The following DAB1 variants were observed in gnomAD, a reference collection of about 807,000 sequenced individuals.
DAB1 encodes the protein DAB adaptor protein 1.
A neutral mutation model predicts 64.6 loss-of-function variants in DAB1; 15 were observed. The ratio of observed to expected loss-of-function variants is 0.23; its 90% CI spans 0.16 to 0.36. DAB1 has a LOEUF of 0.36. Ranked by LOEUF, DAB1 falls within the 10% of genes least tolerant of loss-of-function variation. The probability of loss-of-function intolerance (pLI) is 1.00; values close to 1 mark genes in which losing one functional copy is unlikely to be tolerated. For missense variants in DAB1, 596 were observed against 706.7 expected (o/e 0.84, Z 1.78); for synonymous variants, 235 against 251.9 (o/e 0.93, Z 0.64).
At chr1:58,042,497 T>C (rs554949118) in intron 5 of DAB1, among the ~76,000 whole-genome samples, 1 of 152,256 alleles carries the variant, frequency 6.6e-6, no homozygotes, top group South Asian at 2.1e-4. Context: ...TTCAAGCAGG[T>C]TGTACACACC....
intron 4 of DAB1, among the ~76,000 whole-genome samples, chr1:58,257,214 G>C (rs1216432062): frequency 2.0e-5 from 3 of 152,302 alleles, no homozygotes; most frequent in Admixed American, 1.3e-4. Context: ...CTCCAACCAA[G>C]CTGCAAACTC....
At chr1:57,782,449 C>A (rs1650144817) in intron 6 of DAB1, among the ~76,000 whole-genome samples, 1 of 152,154 alleles carries the variant, frequency 6.6e-6, no homozygotes, top group South Asian at 2.1e-4. Flanking sequence ...ATGCTACCCA[C>A]GATGTCTCGA....
chr1:57,277,263 C>A (rs1289583919), intron 2 of DAB1, among the ~76,000 whole-genome samples: 1 of 152,174 alleles, frequency 6.6e-6, no homozygotes, highest in Non-Finnish European at 1.5e-5. Context: ...CTGCTAGTTT[C>A]TAGCTGTGGG....
chr1:57,914,788 A>T (rs1644701250), intron 5 of DAB1, among the ~76,000 whole-genome samples: 1 of 152,204 alleles, frequency 6.6e-6, no homozygotes, highest in Non-Finnish European at 1.5e-5. Flanking sequence ...GATCATATAA[A>T]CATTATATTG....
intron 6 of DAB1, among the ~76,000 whole-genome samples, chr1:57,697,662 C>T (rs562390177): frequency 6.6e-6 from 1 of 152,020 alleles, no homozygotes; most frequent in African/African-American, 2.4e-5. Flanking sequence ...TTATGAAATG[C>T]CTTCAGTTTT....
chr1:58,454,368 C>A (rs145974954), intron 3 of DAB1, among the ~76,000 whole-genome samples: 1 of 152,156 alleles, frequency 6.6e-6, no homozygotes, highest in African/African-American at 2.4e-5. Flanking sequence ...CATCTTCAGA[C>A]CCATTCAGGT....
At chr1:57,066,818 T>C (rs1382648198) in intron 8 of DAB1, among the ~76,000 whole-genome samples, 1 of 152,186 alleles carries the variant, frequency 6.6e-6, no homozygotes, top group African/African-American at 2.4e-5. Flanking sequence ...CCCCATTTCA[T>C]AGCCCAGGAA....
intron 14 of DAB1, 34 bp downstream of exon 14, chr1:57,010,645 TA>T: frequency 1.7e-6 from 2 of 1,177,952 alleles, no homozygotes; most frequent in Non-Finnish European, 1.2e-6. Flanking sequence ...GCAGATAGCT[TA>T]AGGGTAAAGG....
intron 5 of DAB1, among the ~76,000 whole-genome samples, chr1:58,001,619 C>T (rs1646508034): frequency 6.6e-6 from 1 of 152,068 alleles, no homozygotes; most frequent in Non-Finnish European, 1.5e-5. Context: ...AGGAAGTAAG[C>T]TTTAGGAAAG....
intron 3 of DAB1, among the ~76,000 whole-genome samples, chr1:58,440,757 A>G (rs907708088): frequency 6.6e-6 from 1 of 152,232 alleles, no homozygotes; most frequent in African/African-American, 2.4e-5. Flanking sequence ...AACTATTATT[A>G]TCATAGTTTT....
chr1:57,525,792 A>C (rs1644585331), intron 7 of DAB1, among the ~76,000 whole-genome samples: 1 of 152,184 alleles, frequency 6.6e-6, no homozygotes. Flanking sequence ...CAGTTAAGAG[A>C]GTAAAAATTT....
chr1:57,424,585 C>T (rs958766338), upstream of DAB1, among the ~76,000 whole-genome samples: 31 of 152,328 alleles, frequency 2.0e-4, no homozygotes, highest in African/African-American at 6.7e-4. Context: ...CTAAGATCTA[C>T]CCTTTTATCC....
chr1:57,786,015 C>A (rs1016068421), intron 6 of DAB1, among the ~76,000 whole-genome samples: 3 of 152,180 alleles, frequency 2.0e-5, no homozygotes, highest in African/African-American at 7.2e-5. Flanking sequence ...TCAGCAATTA[C>A]TACCCTGATC....
intron 7 of DAB1, among the ~76,000 whole-genome samples, chr1:57,648,464 G>A (rs1387836803): frequency 1.3e-5 from 2 of 152,182 alleles, no homozygotes; most frequent in African/African-American, 4.8e-5. Flanking sequence ...GAAACCATCA[G>A]TAAAAAGGTT....
At chr1:57,422,503 G>A (rs1306007643) in intron 1 of DAB1, among the ~76,000 whole-genome samples, 2 of 152,184 alleles carry the variant, frequency 1.3e-5, no homozygotes, top group Non-Finnish European at 2.9e-5. Flanking sequence ...CGCAGACACC[G>A]ACCCACGCGG....
At chr1:58,492,326 T>C (rs1482761442) in intron 3 of DAB1, among the ~76,000 whole-genome samples, 3 of 151,914 alleles carry the variant, frequency 2.0e-5, no homozygotes, top group South Asian at 2.1e-4. Flanking sequence ...AGATCTAAAA[T>C]TGACACCCTA....
At chr1:57,150,284 G>C (rs1251577085) in intron 2 of DAB1, among the ~76,000 whole-genome samples, 1 of 152,106 alleles carries the variant, frequency 6.6e-6, no homozygotes. Context: ...TTGTTATTTG[G>C]GTGATCATAC....
rs1646711781 is a variant in DAB1, at chr1:58,546,609, G to C, written n.32+94C>G. On this transcript the variant is annotated intron_variant and non_coding_transcript_variant, in intron 1 of 20. Coordinates refer to the DAB1 transcript ENST00000485760. The stretch of plus-strand genomic sequence containing the variant: ...CCGGGCGCCCCCGCAGGCGCTCTGC[G>C]CTCCGCCCCCTCCCCACTGCCGCAC... 2.0e-5 allele frequency: 3 copies of C among 151,992 alleles called. No homozygotes were observed. The South Asian group carries it at 6.2e-4, about 32-fold the overall frequency. 9.4% of individuals were successfully genotyped at this position (151,992 alleles called of 1,614,324 possible).
upstream of DAB1, among the ~76,000 whole-genome samples, chr1:57,888,619 A>G (rs537793140): frequency 9.2e-5 from 14 of 152,296 alleles, no homozygotes; most frequent in East Asian, 2.7e-3. Context: ...CTCTACCTTG[A>G]TGACTAATTG....
Sources: gnomAD v4.1 joint callset for allele counts (sites outside exome capture counted in the v4.1 genomes callset) on GRCh38, gnomAD v4.1.1 for gene constraint, MANE v1.5 for transcripts, NCBI Gene and HGNC (gene_info 2026-07-23, HGNC 2026-07-21) for gene names.